The following KDM4C variants were observed in gnomAD, a reference collection of about 807,000 sequenced individuals.
The protein encoded by KDM4C is lysine-specific demethylase 4C.
KDM4C carries 81 observed loss-of-function variants against 129.3 expected under a neutral mutation model. That is an observed-to-expected ratio of 0.63 (90% confidence interval 0.52 to 0.75). KDM4C has a LOEUF of 0.75. Among genes scored for constraint, KDM4C ranks in the 30% least tolerant of loss-of-function variants. KDM4C has a pLI of 0.00. For synonymous variants in KDM4C, 573 were observed against 456.1 expected, an observed-to-expected ratio of 1.26 and a Z score of -3.26; for missense variants, 1,457 against 1,304.0, an observed-to-expected ratio of 1.12 and a Z score of -1.81.
At chr9:6,836,582 A>G (rs1835924157) in intron 4 of KDM4C, among the ~76,000 whole-genome samples, 1 of 152,114 alleles carries the variant, frequency 6.6e-6, no homozygotes, top group African/African-American at 2.4e-5. Context: ...GGGTGGCCTG[A>G]ATTTTGTGTT....
chr9:7,037,155 C>T (rs1194350987), intron 15 of KDM4C, among the ~76,000 whole-genome samples: 3 of 152,224 alleles, frequency 2.0e-5, no homozygotes, highest in East Asian at 3.9e-4. Flanking sequence ...TCTTTGTTTT[C>T]CCAGCTCAGA....
intron 4 of KDM4C, among the ~76,000 whole-genome samples, chr9:6,830,143 A>T (rs1303323776): frequency 6.6e-6 from 1 of 152,226 alleles, no homozygotes; most frequent in Non-Finnish European, 1.5e-5. Context: ...AGAAATACGG[A>T]TACAAATTGT....
In KDM4C at chr9:7,013,903, A is replaced by G; in HGVS notation, c.2084A>G (p.Glu695Gly). 1.2e-6 allele frequency: 2 copies of G among 1,613,950 alleles called. No individual in the cohort carries two copies. Among genetic ancestry groups the G allele is most frequent in the Non-Finnish European group, 1.7e-6 (2 of 1,179,818 alleles). Reference sequence around the variant, plus strand: ...CCAGAGATGTGTTTTATTTATAGTGAAGAAAATATAGAATATTCTCCACCC... The same window carrying G: ...CCAGAGATGTGTTTTATTTATAGTGGAGAAAATATAGAATATTCTCCACCC... ...LIPEMCFIYS[E>G]ENIEYSPPNA... Residue 695 changes from glutamate (E) to glycine (G), a missense_variant, in exon 14 of 22, where the codon GAA becomes GGA. Coordinates refer to ENST00000381309, the MANE Select transcript of KDM4C (RefSeq NM_015061.6).
intron 1 of KDM4C, among the ~76,000 whole-genome samples, chr9:6,777,982 A>G (rs1173392591): frequency 6.6e-6 from 1 of 151,008 alleles, no homozygotes; most frequent in Non-Finnish European, 1.5e-5. Flanking sequence ...GTGCAGTGGC[A>G]AAATCATAGC....
chr9:7,144,277 C>T (rs28647758), intron 19 of KDM4C, among the ~76,000 whole-genome samples: 1,586 of 152,214 alleles, frequency 0.01, 26 homozygotes, highest in African/African-American at 0.037. Context: ...CCGGCCACTC[C>T]TCAGTTTCTG....
intron 1 of KDM4C, among the ~76,000 whole-genome samples, chr9:6,790,856 C>G (rs772379203): frequency 3.3e-5 from 5 of 152,028 alleles, no homozygotes; most frequent in South Asian, 2.1e-4. Flanking sequence ...TAAATGTTTG[C>G]TGAAGGAATC....
chr9:6,865,210 G>A (rs942131569), intron 5 of KDM4C, among the ~76,000 whole-genome samples: 47 of 151,908 alleles, frequency 3.1e-4, no homozygotes, highest in African/African-American at 9.4e-4. Context: ...GGGTTTCACC[G>A]TGTTTGCCAG....
intron 17 of KDM4C, among the ~76,000 whole-genome samples, chr9:7,057,914 G>A (rs1432535455): frequency 6.6e-6 from 1 of 152,166 alleles, no homozygotes; most frequent in African/African-American, 2.4e-5. Context: ...CACGGACATC[G>A]CATGTTGAAA....
intron 18 of KDM4C, among the ~76,000 whole-genome samples, chr9:7,123,456 C>A (rs1839717286): frequency 6.6e-6 from 1 of 152,182 alleles, no homozygotes; most frequent in Non-Finnish European, 1.5e-5. Flanking sequence ...TTCTCTTTGC[C>A]CTTTTCTGGA....
chr9:7,097,420 G>A (rs1465464856), intron 17 of KDM4C, among the ~76,000 whole-genome samples: 2 of 152,174 alleles, frequency 1.3e-5, no homozygotes, highest in East Asian at 1.9e-4. Context: ...GTCTGGTCTC[G>A]GTAACTCTTG....
At chr9:7,092,363 G>A (rs1489127437) in intron 17 of KDM4C, among the ~76,000 whole-genome samples, 1 of 152,114 alleles carries the variant, frequency 6.6e-6, no homozygotes, top group Non-Finnish European at 1.5e-5. Context: ...GAGTTAGCCT[G>A]AAAATCTGCT....
Position 6,898,848 on chromosome 9 carries a change from G to A in KDM4C, c.921+5616G>A, listed in dbSNP as rs542852194. Reference sequence around the variant, plus strand: ...ATTAAAACAATCAGGGATCATTTTTGTGGTGAGTCTCTAGGTTATATTTTA... The same window carrying A: ...ATTAAAACAATCAGGGATCATTTTTATGGTGAGTCTCTAGGTTATATTTTA... On this transcript the variant is annotated intron_variant, in intron 8 of 21. Transcript: ENST00000381309. Among the ~76,000 whole-genome samples, 23 of 152,216 alleles carry A rather than the reference G, an allele frequency of 1.5e-4. No individual in the cohort carries two copies. The South Asian group carries it at 4.8e-3, about 32-fold the overall frequency.
intron 1 of KDM4C, among the ~76,000 whole-genome samples, chr9:6,736,727 C>G (rs1208586536): frequency 2.6e-5 from 4 of 152,032 alleles, no homozygotes; most frequent in Non-Finnish European, 5.9e-5. Context: ...AGAACTTCAG[C>G]AAAGTTTTAG....
upstream of KDM4C, chr9:6,757,948 ACG>A: frequency 1.0e-6 from 1 of 985,386 alleles, no homozygotes; most frequent in African/African-American, 1.7e-5. Flanking sequence ...CGGTCACGTG[ACG>A]GCGCGCGCGC....
intron 15 of KDM4C, among the ~76,000 whole-genome samples, chr9:7,028,901 G>C (rs865939193): frequency 2.0e-5 from 3 of 151,034 alleles, no homozygotes; most frequent in South Asian, 4.2e-4. Context: ...CCATGTGACC[G>C]TTGCCAGGGG....
chr9:6,973,407 T>C (rs930036188), intron 8 of KDM4C, among the ~76,000 whole-genome samples: 6 of 152,220 alleles, frequency 3.9e-5, no homozygotes, highest in African/African-American at 1.4e-4. Context: ...CTTGGTCTAG[T>C]TAGCTTTCTT....
intron 19 of KDM4C, among the ~76,000 whole-genome samples, chr9:7,129,175 G>A (rs1030402034): frequency 1.3e-5 from 2 of 152,088 alleles, no homozygotes; most frequent in African/African-American, 4.8e-5. Context: ...TATTTTCAGC[G>A]ACTTTTTAAT....
Position 7,158,493 on chromosome 9 carries a change from T to C in KDM4C, c.2782-6745T>C, listed in dbSNP as rs1843432805. ...CTTGTGGGCATTTAGTGCTATAAAT[T>C]ACCCTCTACACACTGCTTAAATGTG... On this transcript the variant is annotated intron_variant, in intron 19 of 21. Coordinates refer to ENST00000381309, the MANE Select transcript of KDM4C (RefSeq NM_015061.6). 2.0e-5 allele frequency among the ~76,000 whole-genome samples: 3 copies of C among 152,216 alleles called. No homozygotes were observed. The South Asian group carries it at 6.2e-4, about 32-fold the overall frequency.
At chr9:7,159,720 T>G (rs1268717497) in intron 19 of KDM4C, among the ~76,000 whole-genome samples, 1 of 152,224 alleles carries the variant, frequency 6.6e-6, no homozygotes, top group Non-Finnish European at 1.5e-5. Flanking sequence ...CTGATGGGCT[T>G]CCCTTTGTGG....
Sources: allele counts gnomAD v4.1 joint callset (sites outside exome capture counted in the v4.1 genomes callset), GRCh38; gene constraint gnomAD v4.1.1; transcripts MANE v1.5; gene names NCBI Gene and HGNC (gene_info 2026-07-23, HGNC 2026-07-21).